The following PCDHGA4 variants were observed in gnomAD, a reference collection of about 807,000 sequenced individuals.
PCDHGA4 encodes protocadherin gamma-A4.
In PCDHGA4, 38 loss-of-function variants were observed where a neutral mutation model predicts 54.6. The observed-to-expected ratio is 0.70, with a 90% CI of 0.54 to 0.91. The LOEUF is 0.91. PCDHGA4 is among the 40% of genes least tolerant of loss of function. PCDHGA4 has a pLI of 0.00. For missense variants in PCDHGA4, 1,298 were observed against 1,220.9 expected, an observed-to-expected ratio of 1.06 and a Z score of -0.94; for synonymous variants, 511 against 512.9, an observed-to-expected ratio of 1.00 and a Z score of 0.05.
At chr5:141,358,919 A>G (rs1761058945) in intron 1 of PCDHGA4, among the ~76,000 whole-genome samples, 1 of 152,222 alleles carries the variant, frequency 6.6e-6, no homozygotes, top group Non-Finnish European at 1.5e-5. Flanking sequence ...TTTTGTGTGT[A>G]GGGGATATAC....
At chr5:141,418,127 A>G in intron 1 of PCDHGA4, 1 of 1,614,104 alleles carries the variant, frequency 6.2e-7, no homozygotes, top group East Asian at 2.2e-5. Flanking sequence ...GAAGGACCGA[A>G]TAGACCGTGA....
At chr5:141,469,674 A>G (rs532726373) in intron 1 of PCDHGA4, among the ~76,000 whole-genome samples, 23 of 152,380 alleles carry the variant, frequency 1.5e-4, no homozygotes, top group Non-Finnish European at 2.2e-4. Flanking sequence ...TAATAAAACT[A>G]CATATGCATT....
intron 1 of PCDHGA4, chr5:141,371,767 C>A: frequency 6.2e-7 from 1 of 1,614,030 alleles, no homozygotes; most frequent in Non-Finnish European, 8.5e-7. Context: ...GCCTCCTACA[C>A]CGTGCATGTA....
intron 1 of PCDHGA4, among the ~76,000 whole-genome samples, chr5:141,483,094 G>C (rs1304382782): frequency 6.6e-6 from 1 of 152,058 alleles, no homozygotes; most frequent in African/African-American, 2.4e-5. Context: ...CAAAAAAAAA[G>C]TGTGCGTGTA....
chr5:141,370,302 A>G, intron 1 of PCDHGA4: 1 of 1,187,592 alleles, frequency 8.4e-7, no homozygotes, highest in Non-Finnish European at 1.2e-6. Flanking sequence ...GCACAAAGAC[A>G]AAGCAAATAG....
chr5:141,450,592 T>G (rs1403924348), intron 1 of PCDHGA4, among the ~76,000 whole-genome samples: 1 of 151,838 alleles, frequency 6.6e-6, no homozygotes, highest in Non-Finnish European at 1.5e-5. Context: ...GTTCAAGCAA[T>G]TCTCCTGCCT....
chr5:141,511,374 CA>C lies in PCDHGA4; in HGVS notation c.*202del. ...CCCCAGGGGGTTGAATATGCAAAAG[CA>C]GTTCCGCTGGGAACCCCCATCCAAT... On this transcript the variant is annotated 3_prime_UTR_variant, in exon 4 of 4. Coordinates refer to ENST00000571252, the MANE Select transcript of PCDHGA4 (RefSeq NM_018917.4). The C allele has an allele frequency of 8.0e-7, 1 of 1,242,392 alleles. No individual in the cohort carries two copies. 77.0% of individuals were successfully genotyped at this position (1,242,392 alleles called of 1,614,324 possible).
intron 1 of PCDHGA4, chr5:141,421,999 TC>T: frequency 9.9e-6 from 16 of 1,609,214 alleles, no homozygotes; most frequent in Non-Finnish European, 1.4e-5. Context: ...AAACATCAGC[TC>T]CGGAACTCGG....
At chr5:141,379,889 C>CTTTTTTATTTTTTTTTTTTTTTTTTTTTT (rs1775946036) in intron 1 of PCDHGA4, among the ~76,000 whole-genome samples, 1 of 50,830 alleles carries the variant, frequency 2.0e-5, no homozygotes, top group Non-Finnish European at 3.9e-5. Context: ...GTGAAAGCCT[C>CTTTTTTATTTTTTTTTTTTTTTTTTTTTT]TTTTTTTTTT....
chr5:141,392,812 C>T (rs2092600989), intron 1 of PCDHGA4: 2 of 1,583,404 alleles, frequency 1.3e-6, no homozygotes, highest in East Asian at 4.5e-5. Flanking sequence ...AGCAAAACAA[C>T]AATGGCCGCT....
rs2099610288 is a variant in PCDHGA4, at chr5:141,485,252, G to A, written c.2515-9555G>A. ...GTTCCTCTTTTACCACCTGGGTTAC[G>A]TTTGTGGGCAGATCCGCTACCCGGT... On this transcript the variant is annotated intron_variant, in intron 1 of 3. Coordinates refer to ENST00000571252, the MANE Select transcript of PCDHGA4 (RefSeq NM_018917.4). This position sits in a 1 kb window ranked among gnomAD's most constrained non-coding sequence, Gnocchi z 5.7. 6.2e-7 allele frequency: 1 copy of A among 1,614,042 alleles called. No individual in the cohort carries two copies. The highest frequency in any genetic ancestry group is 1.7e-5 in the Admixed American group (1 of 60,008).
chr5:141,477,265 G>A lies in PCDHGA4; in HGVS notation c.2515-17542G>A. The A allele has an allele frequency of 6.2e-7, 1 of 1,614,198 alleles. No individual in the cohort carries two copies. Among genetic ancestry groups the A allele is most frequent in the African/African-American group, 1.3e-5 (1 of 75,048 alleles). On this transcript the variant is annotated intron_variant, in intron 1 of 3. Transcript: ENST00000571252. The surrounding 1 kb of genome is among the most constrained non-coding windows in gnomAD (Gnocchi z 4.9). ...GTGTGACTGACCTGGATGCTGGCGA[G>A]AACGGGCTGGTGACCTGCGAAGTTC...
At position 141,477,886 on chromosome 5, in the gene PCDHGA4, G is replaced by A. The variant is rs2099422999; in HGVS notation, c.2515-16921G>A. 2 of 1,614,188 alleles carry A rather than the reference G, an allele frequency of 1.2e-6. No homozygotes were observed. The highest frequency in any genetic ancestry group is 1.7e-6 in the Non-Finnish European group (2 of 1,180,040). ...GAGGTACCTCAGCTGGCCACCTAGT[G>A]TCACGGGTGGTAGGCTGGGACGCGG... On this transcript the variant is annotated intron_variant, in intron 1 of 3. Transcript: ENST00000571252. The surrounding 1 kb of genome is among the most constrained non-coding windows in gnomAD (Gnocchi z 4.9).
intron 1 of PCDHGA4, chr5:141,390,461 C>T: frequency 2.7e-6 from 2 of 738,224 alleles, no homozygotes; most frequent in Non-Finnish European, 4.3e-6. Context: ...AAAGTAGGAG[C>T]AATTGTGTGG....
At chr5:141,497,691 C>T (rs2099778682) in intron 2 of PCDHGA4, among the ~76,000 whole-genome samples, 1 of 152,066 alleles carries the variant, frequency 6.6e-6, no homozygotes, top group African/African-American at 2.4e-5. Flanking sequence ...AGGTGTGCAC[C>T]ACCACACCCA....
chr5:141,366,395 C>T (rs1764534294), intron 1 of PCDHGA4: 1 of 1,614,178 alleles, frequency 6.2e-7, no homozygotes, highest in African/African-American at 1.3e-5. Context: ...GGATCTGGAC[C>T]TCACACTCTA....
intron 1 of PCDHGA4, chr5:141,403,576 C>T (rs976638680): frequency 1.9e-6 from 3 of 1,613,946 alleles, no homozygotes; most frequent in Non-Finnish European, 2.5e-6. Context: ...CAACTGCCCA[C>T]CACCTGGTCC....
At chr5:141,410,366 G>A (rs3749767) in intron 1 of PCDHGA4, 379,797 of 1,613,758 alleles carry the variant, frequency 0.24, 48,670 homozygotes, top group African/African-American at 0.5. Context: ...TCTCAGCCCT[G>A]CTACTTGGGA....
intron 1 of PCDHGA4, among the ~76,000 whole-genome samples, chr5:141,457,459 C>G (rs749463185): frequency 1.6e-4 from 24 of 152,166 alleles, no homozygotes; most frequent in Non-Finnish European, 3.4e-4. Context: ...CCACTTGATT[C>G]ACAGGAATAA....
Sources: allele counts gnomAD v4.1 joint callset (sites outside exome capture counted in the v4.1 genomes callset), GRCh38; gene constraint gnomAD v4.1.1; non-coding constraint Gnocchi (gnomAD v3.1); transcripts MANE v1.5; gene names NCBI Gene and HGNC (gene_info 2026-07-23, HGNC 2026-07-21).